Variants in POC1A observed in about 807,000 individuals in gnomAD.
The protein encoded by POC1A is POC1 centriolar protein A, also known as POC1 centriolar protein homolog A.
POC1A carries 34 observed loss-of-function variants against 47.8 expected under a neutral mutation model. That is an observed-to-expected ratio of 0.71 (90% CI 0.54 to 0.95). POC1A has a LOEUF of 0.95. POC1A is among the 40% of genes least tolerant of loss of function. POC1A has a pLI of 0.00. For missense variants in POC1A, 466 were observed against 528.3 expected (o/e 0.88, Z 1.16); for synonymous variants, 177 against 207.6 (o/e 0.85, Z 1.27).
rs569924844 is a variant in POC1A, at chr3:52,135,354, G to A, written c.813+2815C>T. Among the ~76,000 whole-genome samples the A allele has an allele frequency of 1.1e-4, 16 of 152,302 alleles. No homozygotes were observed. The East Asian group carries it at 2.7e-3, about 26-fold the overall frequency. ...CTCCTCGATTGCACTATGCTCCCTT[G>A]GGAAGCCAACATTAGCTGAATCTGT... On this transcript the variant is annotated intron_variant, in intron 7 of 10. Transcript: ENST00000296484.
At chr3:52,088,497 G>A (rs543748168) in intron 10 of POC1A, among the ~76,000 whole-genome samples, 33 of 152,262 alleles carry the variant, frequency 2.2e-4, no homozygotes, top group African/African-American at 6.3e-4. Context: ...TTTACAGAGC[G>A]CATGGGAGGA....
rs774301966 is a variant in POC1A, at chr3:52,125,186, CA to C, written c.814-6del. 1.9e-6 allele frequency: 3 copies of C among 1,611,220 alleles called. No individual in the cohort carries two copies. In the African/African-American group the frequency reaches 4.0e-5, roughly 22 times the overall value. The stretch of plus-strand genomic sequence containing the variant: ...GGCAACAGTGGTGGCTGGTCCCTGG[CA>C]GAACAAACAAAAAATAACACACATC... On this transcript the variant is annotated splice_polypyrimidine_tract_variant and splice_region_variant and intron_variant, in intron 7 of 10. Coordinates refer to ENST00000296484, the MANE Select transcript of POC1A (RefSeq NM_015426.5).
At chr3:52,087,158 C>T (rs1370567731) in intron 10 of POC1A, among the ~76,000 whole-genome samples, 1 of 152,142 alleles carries the variant, frequency 6.6e-6, no homozygotes, top group Non-Finnish European at 1.5e-5. Flanking sequence ...GAGGAAGCCT[C>T]ATTGCTTTGG....
intron 6 of POC1A, among the ~76,000 whole-genome samples, chr3:52,140,180 G>A (rs573571041): frequency 5.3e-5 from 8 of 152,196 alleles, no homozygotes; most frequent in Non-Finnish European, 1.0e-4. Flanking sequence ...CTGATGTGCC[G>A]ATGTGCCGGG....
At chr3:52,143,462 T>G (rs982289937) in intron 6 of POC1A, among the ~76,000 whole-genome samples, 2 of 152,148 alleles carry the variant, frequency 1.3e-5, no homozygotes, top group African/African-American at 4.8e-5. Flanking sequence ...CTCCCCAGCC[T>G]CTGCCCTCCT....
chr3:52,080,573 T>A (rs1702248187), intron 10 of POC1A, among the ~76,000 whole-genome samples: 1 of 152,118 alleles, frequency 6.6e-6, no homozygotes, highest in South Asian at 2.1e-4. Context: ...ACATTTAGGT[T>A]TGGAATTATT....
chr3:52,086,836 G>T (rs1219632842), intron 10 of POC1A, among the ~76,000 whole-genome samples: 1 of 152,272 alleles, frequency 6.6e-6, no homozygotes, highest in Non-Finnish European at 1.5e-5. Context: ...TGAGGACAAA[G>T]ATTGTTCTCT....
intron 8 of POC1A, among the ~76,000 whole-genome samples, chr3:52,122,997 AT>A (rs112970988): frequency 6.6e-6 from 1 of 152,246 alleles, no homozygotes; most frequent in African/African-American, 2.4e-5. Flanking sequence ...TGGTTAACAC[AT>A]GGCCTCCAGG....
At chr3:52,126,008 G>A (rs950078725) in intron 7 of POC1A, among the ~76,000 whole-genome samples, 1 of 152,172 alleles carries the variant, frequency 6.6e-6, no homozygotes, top group Admixed American at 6.5e-5. Context: ...GTTTAGCTAC[G>A]ACACCATGAC....
At chr3:52,125,249 A>G in intron 7 of POC1A, 68 bp from the exon 8 acceptor site, 1 of 1,285,002 alleles carries the variant, frequency 7.8e-7, no homozygotes, top group Non-Finnish European at 1.1e-6. Context: ...CAGGAAGAAA[A>G]CGAGACGTTC....
chr3:52,120,854 C>T (rs528533377), intron 9 of POC1A, among the ~76,000 whole-genome samples: 1 of 152,348 alleles, frequency 6.6e-6, no homozygotes, highest in Non-Finnish European at 1.5e-5. Flanking sequence ...GAGCCAGGAC[C>T]AAAGGAACAA....
chr3:52,131,100 A>G (rs533010969), intron 7 of POC1A, among the ~76,000 whole-genome samples: 1 of 152,344 alleles, frequency 6.6e-6, no homozygotes, highest in South Asian at 2.1e-4. Context: ...CTGCACAGCC[A>G]CAAATACCAG....
chr3:52,085,958 G>C (rs2106940566), intron 10 of POC1A, among the ~76,000 whole-genome samples: 1 of 152,340 alleles, frequency 6.6e-6, no homozygotes, highest in African/African-American at 2.4e-5. Context: ...GATGGGGCTT[G>C]ATGAGGCCCC....
chr3:52,113,109 C>T (rs189689347), intron 9 of POC1A, among the ~76,000 whole-genome samples: 4 of 152,344 alleles, frequency 2.6e-5, no homozygotes, highest in African/African-American at 7.2e-5. Flanking sequence ...GTCTCTTCAC[C>T]ATCACTGCCT....
intron 10 of POC1A, among the ~76,000 whole-genome samples, chr3:52,094,349 G>C (rs949705448): frequency 6.6e-6 from 1 of 152,230 alleles, no homozygotes; most frequent in Non-Finnish European, 1.5e-5. Flanking sequence ...AAGCTTCAGG[G>C]GAGGGCTGGG....
At chr3:52,100,454 A>G (rs967244150) in intron 9 of POC1A, among the ~76,000 whole-genome samples, 3 of 152,246 alleles carry the variant, frequency 2.0e-5, no homozygotes, top group Non-Finnish European at 4.4e-5. Context: ...TAAAAGAATC[A>G]TAACTTCTCT....
intron 7 of POC1A, among the ~76,000 whole-genome samples, chr3:52,137,467 C>T (rs550752496): frequency 6.6e-6 from 1 of 152,160 alleles, no homozygotes; most frequent in African/African-American, 2.4e-5. Context: ...ATGGTGACTA[C>T]GCCCCAACAG....
At chr3:52,097,911 T>C (rs1702876451) in intron 9 of POC1A, among the ~76,000 whole-genome samples, 2 of 152,220 alleles carry the variant, frequency 1.3e-5, no homozygotes, top group Admixed American at 6.5e-5. Context: ...ATCTCAATGC[T>C]TACCCAGAAG....
At position 52,149,933 on chromosome 3, in the gene POC1A, C is replaced by T. The variant is rs1442115299; in HGVS notation, c.158G>A (p.Arg53His). Residue 53 changes from arginine to histidine, a missense_variant, in exon 3 of 11, where the codon CGC becomes CAC. Arg to His is a conservative substitution (Grantham distance 29). Transcript: ENST00000296484. ...CTTGTGGCCAGTGAAGCGGTAGGCG[C>T]GTGACTGCGGCTTCATGTGCCAGAC... ...LMVWHMKPQS[R>H]AYRFTGHKDA... 1.1e-5 allele frequency: 18 copies of T among 1,613,842 alleles called. No homozygotes were observed. The highest frequency in any genetic ancestry group is 1.5e-5 in the Non-Finnish European group (18 of 1,180,016).
Sources: allele counts gnomAD v4.1 joint callset (sites outside exome capture counted in the v4.1 genomes callset), GRCh38; gene constraint gnomAD v4.1.1; transcripts MANE v1.5; gene names NCBI Gene and HGNC (gene_info 2026-07-23, HGNC 2026-07-21).